The following RNF180 variants were observed in gnomAD, a reference collection of about 807,000 sequenced individuals.
The protein encoded by RNF180 is ring finger protein 180.
Under a neutral mutation model 59.2 loss-of-function variants are expected in RNF180, and 38 were observed. The observed-to-expected ratio is 0.64, with a 90% CI of 0.50 to 0.84. RNF180 has a LOEUF of 0.84. Ranked by LOEUF, RNF180 falls within the 40% of genes least tolerant of loss-of-function variation. The pLI, the probability that RNF180 is intolerant of heterozygous loss-of-function variation, is 0.00. For missense variants in RNF180, 705 were observed against 700.9 expected (o/e 1.01, Z -0.07); for synonymous variants, 262 against 240.3 (o/e 1.09, Z -0.84).
rs1467836782 is a variant in RNF180, at chr5:64,371,726, TAAAA to T, written c.*1913_*1916del. On this transcript the variant is annotated 3_prime_UTR_variant, in exon 8 of 8. Transcript: ENST00000389100. ...ACTTGATCTGAAAATTATAGAATATTAAAAGAAGTAAATTCATAAAATTATAAAT... is the reference window on the plus strand; with the variant it reads ...ACTTGATCTGAAAATTATAGAATATTGAAGTAAATTCATAAAATTATAAAT... 6.6e-6 allele frequency: 1 copy of T among 151,560 alleles called. No homozygotes were observed. The highest frequency in any genetic ancestry group is 2.4e-5 in the African/African-American group (1 of 41,402). 9.4% of individuals were successfully genotyped at this position (151,560 alleles called of 1,614,324 possible). A position where few individuals can be genotyped will look rare whatever the true frequency, so the allele number is the denominator to read the frequency against.
At chr5:64,176,270 T>G (rs1750229032) in intron 1 of RNF180, among the ~76,000 whole-genome samples, 1 of 152,254 alleles carries the variant, frequency 6.6e-6, no homozygotes, top group African/African-American at 2.4e-5. Flanking sequence ...GCATATAGTT[T>G]TCATAATATT....
At position 64,360,080 on chromosome 5, in the gene RNF180, C is replaced by T. The variant is rs577262701; in HGVS notation, c.1580-9535C>T. The stretch of plus-strand genomic sequence containing the variant: ...AAGTCAGGTAGTGTGATGCCTCCAG[C>T]TTTGTTCTATTGGCTTAGGATTGAC... On this transcript the variant is annotated intron_variant, in intron 7 of 7. Transcript: ENST00000389100. 2.0e-5 allele frequency among the ~76,000 whole-genome samples: 3 copies of T among 152,046 alleles called. No individual in the cohort carries two copies. The East Asian group carries it at 5.8e-4, about 30-fold the overall frequency.
intron 5 of RNF180, among the ~76,000 whole-genome samples, chr5:64,308,756 A>G (rs1194132924): frequency 6.6e-6 from 1 of 151,804 alleles, no homozygotes; most frequent in Non-Finnish European, 1.5e-5. Context: ...GGAATATGCA[A>G]CAACCTTTTA....
intron 1 of RNF180, among the ~76,000 whole-genome samples, chr5:64,175,002 C>G (rs1295850948): frequency 2.4e-5 from 3 of 123,410 alleles, no homozygotes; most frequent in Non-Finnish European, 3.2e-5. Flanking sequence ...GAGTCTCGCT[C>G]TGTCCCCCAG....
intron 5 of RNF180, among the ~76,000 whole-genome samples, chr5:64,267,647 C>T (rs1744762639): frequency 6.6e-6 from 1 of 152,048 alleles, no homozygotes; most frequent in Admixed American, 6.6e-5. Context: ...ATGATGGTTT[C>T]CAATTTCATC....
chr5:64,369,475 A>G (rs2112622375), intron 7 of RNF180, 140 bp from the exon 8 acceptor site: 1 of 492,700 alleles, frequency 2.0e-6, no homozygotes. Flanking sequence ...ATAAAAAAAA[A>G]AGAAAAAACT....
intron 5 of RNF180, among the ~76,000 whole-genome samples, chr5:64,276,322 GTGT>G (rs1561233348): frequency 0.034 from 3,103 of 91,702 alleles, 113 homozygotes; most frequent in African/African-American, 0.12. Context: ...ATACATTGGT[GTGT>G]GTGTGTGTGT....
intron 5 of RNF180, among the ~76,000 whole-genome samples, chr5:64,249,794 C>G (rs1743444173): frequency 6.6e-6 from 1 of 152,112 alleles, no homozygotes; most frequent in African/African-American, 2.4e-5. Flanking sequence ...CATATATATG[C>G]ACCCAATATC....
At chr5:64,261,936 G>A (rs1744365541) in intron 5 of RNF180, among the ~76,000 whole-genome samples, 1 of 152,150 alleles carries the variant, frequency 6.6e-6, no homozygotes, top group South Asian at 2.1e-4. Context: ...GCATGGGGAA[G>A]CTTTAGGAGT....
At chr5:64,247,793 ATATCC>A (rs1232283147) in intron 5 of RNF180, among the ~76,000 whole-genome samples, 9 of 152,218 alleles carry the variant, frequency 5.9e-5, no homozygotes, top group Non-Finnish European at 1.2e-4. Context: ...TGGAGCCTGA[ATATCC>A]AAGACAATCC....
At chr5:64,316,784 T>C (rs1490642847) in intron 5 of RNF180, among the ~76,000 whole-genome samples, 5 of 152,230 alleles carry the variant, frequency 3.3e-5, no homozygotes, top group Non-Finnish European at 7.3e-5. Context: ...GCTTATCCTT[T>C]ACTTCTGTGG....
chr5:64,167,384 C>G (rs1749702912), intron 1 of RNF180, among the ~76,000 whole-genome samples: 1 of 152,032 alleles, frequency 6.6e-6, no homozygotes, highest in Admixed American at 6.5e-5. Context: ...TTAGTTTTGT[C>G]AATGGTATTT....
At chr5:64,316,770 G>T (rs1203470602) in intron 5 of RNF180, among the ~76,000 whole-genome samples, 1 of 152,140 alleles carries the variant, frequency 6.6e-6, no homozygotes, top group Admixed American at 6.5e-5. Context: ...AAGGCAATTT[G>T]AATGCTTATC....
intron 5 of RNF180, among the ~76,000 whole-genome samples, chr5:64,238,948 C>T (rs1223236689): frequency 6.6e-6 from 1 of 152,088 alleles, no homozygotes; most frequent in African/African-American, 2.4e-5. Flanking sequence ...AATCTCATTT[C>T]ATCACTCTGA....
At chr5:64,226,134 G>A (rs933328244) in intron 5 of RNF180, among the ~76,000 whole-genome samples, 1 of 152,168 alleles carries the variant, frequency 6.6e-6, no homozygotes, top group African/African-American at 2.4e-5. Context: ...CTGCCCGGCT[G>A]CCCCATCTGG....
rs1746603478 is a variant in RNF180, at chr5:64,369,928, A to C, written c.*114A>C. The C allele has an allele frequency of 6.0e-5, 34 of 564,938 alleles. No individual in the cohort carries two copies. In the South Asian group the frequency reaches 1.1e-3, roughly 19 times the overall value. The allele number at this position is 564,938 out of a possible 1,614,324, so 35.0% of individuals were successfully genotyped here. The stretch of plus-strand genomic sequence containing the variant: ...TAATGTTGCATTATACAAATTGTTG[A>C]TGTTTATAGAAAGCCTGAGAATAAT... On this transcript the variant is annotated 3_prime_UTR_variant, in exon 8 of 8. Transcript: ENST00000389100.
chr5:64,306,381 A>G (rs1743456346), intron 5 of RNF180, among the ~76,000 whole-genome samples: 1 of 151,716 alleles, frequency 6.6e-6, no homozygotes, highest in Non-Finnish European at 1.5e-5. Context: ...ACATTAATTT[A>G]GGTGTCTGTT....
At position 64,192,613 on chromosome 5, in the gene RNF180, T is replaced by C. The variant is rs927228722; in HGVS notation, c.1-8195T>C. ...CTTGAACCCAGGAAGCGGAGGTTGC[T>C]GTGAGCCGAGATCGCGCCACTGCAC... is the stretch of plus-strand genomic sequence containing the variant. On this transcript the variant is annotated intron_variant, in intron 1 of 7. Coordinates refer to ENST00000389100, the MANE Select transcript of RNF180 (RefSeq NM_001113561.2). Among the ~76,000 whole-genome samples, 6 of 151,824 alleles carry C rather than the reference T, an allele frequency of 4.0e-5. No homozygotes were observed. The East Asian group carries it at 1.2e-3, about 30-fold the overall frequency.
chr5:64,198,849 C>T (rs9291804), intron 1 of RNF180, among the ~76,000 whole-genome samples: 39,925 of 151,360 alleles, frequency 0.26, 5,413 homozygotes, highest in Middle Eastern at 0.32. Flanking sequence ...GAGTTTCGCT[C>T]TTGTTGCCCA....
Sources: gnomAD v4.1 joint callset for allele counts (sites outside exome capture counted in the v4.1 genomes callset) on GRCh38, gnomAD v4.1.1 for gene constraint, MANE v1.5 for transcripts, NCBI Gene and HGNC (gene_info 2026-07-23, HGNC 2026-07-21) for gene names.